Variants in AP3D1 observed in about 807,000 individuals in gnomAD.
AP3D1 encodes the protein adaptor related protein complex 3 subunit delta 1.
Under a neutral mutation model 147.6 loss-of-function variants are expected in AP3D1, and 51 were observed. The observed-to-expected ratio is 0.35, with a 90% CI of 0.28 to 0.44. AP3D1 has a LOEUF of 0.44. Among genes scored for constraint, AP3D1 ranks in the 20% least tolerant of loss-of-function variants. AP3D1 has a pLI of 1.00. For missense variants in AP3D1, 1,421 were observed against 1,624.2 expected, an observed-to-expected ratio of 0.87 and a Z score of 2.15; for synonymous variants, 760 against 663.0, an observed-to-expected ratio of 1.15 and a Z score of -2.25.
At position 2,137,721 on chromosome 19, in the gene AP3D1, C is replaced by G; in HGVS notation, c.273+6G>C. The G allele has an allele frequency of 6.2e-7, 1 of 1,613,444 alleles. No homozygotes were observed. Among genetic ancestry groups the G allele is most frequent in the Non-Finnish European group, 8.5e-7 (1 of 1,179,474 alleles). Reference sequence around the variant, plus strand: ...CCCCACCAGCCTTGCCGTCCCAGAACCTCACCTTGAAGGTGAACTTGGAGG... The same window carrying G: ...CCCCACCAGCCTTGCCGTCCCAGAAGCTCACCTTGAAGGTGAACTTGGAGG... On this transcript the variant is annotated splice_donor_region_variant and intron_variant, in intron 3 of 31. Transcript: ENST00000643116.
At chr19:2,110,027 G>T (rs1015545266) in intron 28 of AP3D1, 69 bp from the exon 29 acceptor site, 7 of 1,590,690 alleles carry the variant, frequency 4.4e-6, no homozygotes, top group Non-Finnish European at 4.3e-6. Flanking sequence ...GGGTTCCCCA[G>T]GCAGGTGGCC....
intron 1 of AP3D1, among the ~76,000 whole-genome samples, chr19:2,141,949 T>C (rs549083141): frequency 2.2e-3 from 333 of 149,728 alleles, no homozygotes; most frequent in African/African-American, 6.5e-3. Flanking sequence ...TATATATTTA[T>C]TTTTGCATAT....
rs1261328612 is a variant in AP3D1 at position 2,120,985 on chromosome 19, T to C, written c.1358A>G (p.Lys453Arg). Reference protein sequence around the residue: ...DVAIRVKAIRKFAVSQMSALL... With the variant: ...DVAIRVKAIRRFAVSQMSALL... ...CGCAGACATCTGGGACACGGCGAACTTGCGGATGGCCTTCACGCGGATGGC... is the reference window on the plus strand; with the variant it reads ...CGCAGACATCTGGGACACGGCGAACCTGCGGATGGCCTTCACGCGGATGGC... Residue 453 changes from lysine to arginine, a missense_variant, in exon 14 of 32, where the codon AAG becomes AGG. Transcript: ENST00000643116. The C allele has an allele frequency of 1.2e-6, 2 of 1,612,316 alleles. No individual in the cohort carries two copies. The highest frequency in any genetic ancestry group is 1.7e-6 in the Non-Finnish European group (2 of 1,180,002).
intron 14 of AP3D1, among the ~76,000 whole-genome samples, chr19:2,119,367 G>A (rs1359459387): frequency 6.6e-6 from 1 of 152,184 alleles, no homozygotes; most frequent in Non-Finnish European, 1.5e-5. Flanking sequence ...GACCAGCCTG[G>A]CCAACACGGT....
At chr19:2,136,666 G>T (rs1270600002) in intron 4 of AP3D1, among the ~76,000 whole-genome samples, 1 of 152,198 alleles carries the variant, frequency 6.6e-6, no homozygotes, top group Non-Finnish European at 1.5e-5. Flanking sequence ...GCTACACCAG[G>T]CACTACCATG....
chr19:2,114,014 G>A (rs1036007095), intron 22 of AP3D1, 111 bp downstream of exon 22: 26 of 1,456,682 alleles, frequency 1.8e-5, no homozygotes, highest in Admixed American at 8.3e-5. Context: ...GCTGGCACTC[G>A]CTGCCTGACT....
chr19:2,102,889 A>G (rs1403872604), intron 31 of AP3D1, among the ~76,000 whole-genome samples: 1 of 152,072 alleles, frequency 6.6e-6, no homozygotes, highest in Non-Finnish European at 1.5e-5. Flanking sequence ...TGGAGGTTGC[A>G]TGTGAGTTGA....
chr19:2,131,165 G>A (rs1174680815), intron 5 of AP3D1, among the ~76,000 whole-genome samples: 2 of 152,284 alleles, frequency 1.3e-5, no homozygotes, highest in African/African-American at 2.4e-5. Flanking sequence ...AGGTGCAGCC[G>A]GCTGGATTTG....
chr19:2,112,261 G>A (rs1009183374), intron 24 of AP3D1: 4 of 201,322 alleles, frequency 2.0e-5, no homozygotes, highest in Non-Finnish European at 3.0e-5. Flanking sequence ...GGTCAGCACA[G>A]TGTGGCCCAT....
chr19:2,122,230 T>C (rs2238594), intron 11 of AP3D1, among the ~76,000 whole-genome samples: 45,650 of 128,438 alleles, frequency 0.36, 7,790 homozygotes, highest in African/African-American at 0.49. Flanking sequence ...CAGATACCCT[T>C]GGCCCAAGGC....
intron 1 of AP3D1, among the ~76,000 whole-genome samples, chr19:2,144,332 G>A (rs2019301887): frequency 1.3e-5 from 2 of 152,328 alleles, no homozygotes; most frequent in African/African-American, 4.8e-5. Context: ...GTTGTGGACA[G>A]GCTCAACGCC....
At chr19:2,109,372 C>T (rs1239983799) in intron 29 of AP3D1, 165 bp from the exon 30 acceptor site, 24 of 901,898 alleles carry the variant, frequency 2.7e-5, no homozygotes, top group Non-Finnish European at 3.6e-5. Context: ...TTTTCATGTG[C>T]GGAAGCCGTC....
chr19:2,155,856 T>C (rs1207854610), upstream of AP3D1, among the ~76,000 whole-genome samples: 20 of 151,816 alleles, frequency 1.3e-4, no homozygotes, highest in Admixed American at 1.3e-3. Context: ...ATTGAGACCA[T>C]CCTGGCTAAC....
chr19:2,145,602 C>T (rs1396980795), intron 1 of AP3D1, among the ~76,000 whole-genome samples: 2 of 152,214 alleles, frequency 1.3e-5, no homozygotes, highest in Non-Finnish European at 2.9e-5. Flanking sequence ...GGCCAGAGCA[C>T]ACCCAGGGCT....
intron 1 of AP3D1, among the ~76,000 whole-genome samples, chr19:2,142,520 G>A (rs1329298164): frequency 1.1e-4 from 17 of 152,326 alleles, no homozygotes; most frequent in Admixed American, 1.1e-3. Flanking sequence ...AGCATCTTGA[G>A]ACCAGGGAGG....
chr19:2,115,978 A>T (rs537293363), intron 18 of AP3D1, among the ~76,000 whole-genome samples: 20 of 152,260 alleles, frequency 1.3e-4, no homozygotes, highest in Admixed American at 3.9e-4. Flanking sequence ...AGGGCTGGAC[A>T]GCAGCTGGGC....
At chr19:2,111,425 C>T (rs1036036095) in intron 25 of AP3D1, 93 bp from the exon 26 acceptor site, 11 of 1,491,550 alleles carry the variant, frequency 7.4e-6, no homozygotes, top group South Asian at 4.7e-5. Flanking sequence ...TCGAATGCCA[C>T]GACTCCAAGA....
chr19:2,151,592 TCCCAGCCGAGCCGGC>T (rs2019516633), upstream of AP3D1: 1 of 155,010 alleles, frequency 6.5e-6, no homozygotes, highest in African/African-American at 2.4e-5. Context: ...GAGCGCCCGG[TCCCAGCCGAGCCGGC>T]CCCGGAAGCC....
chr19:2,156,136 T>C (rs968940853), upstream of AP3D1, among the ~76,000 whole-genome samples: 1 of 152,078 alleles, frequency 6.6e-6, no homozygotes, highest in African/African-American at 2.4e-5. Flanking sequence ...GTTGGTGGGC[T>C]GGCTGCAACC....
Sources: gnomAD v4.1 joint callset for allele counts (sites outside exome capture counted in the v4.1 genomes callset) on GRCh38, gnomAD v4.1.1 for gene constraint, MANE v1.5 for transcripts, NCBI Gene and HGNC (gene_info 2026-07-23, HGNC 2026-07-21) for gene names.